Variants in SPATA17 observed in about 807,000 individuals in gnomAD.
SPATA17 encodes spermatogenesis-associated protein 17.
Under a neutral mutation model 62.2 loss-of-function variants are expected in SPATA17, and 53 were observed. That is an observed-to-expected ratio of 0.85 (90% CI 0.68 to 1.07). The LOEUF (loss-of-function observed/expected upper bound fraction) is 1.07. Among genes scored for constraint, SPATA17 ranks in the 50% least tolerant of loss-of-function variants. The probability of loss-of-function intolerance (pLI) is 0.00; values close to 1 mark genes in which losing one functional copy is unlikely to be tolerated. For synonymous variants in SPATA17, 146 were observed against 146.8 expected (o/e 0.99, Z 0.04); for missense variants, 466 against 425.5 (o/e 1.10, Z -0.84).
chr1:217,770,978 A>ATTTTTTTTTT (rs374042087), intron 6 of SPATA17, among the ~76,000 whole-genome samples: 50 of 50,142 alleles, frequency 1.0e-3, no homozygotes, highest in East Asian at 2.5e-3. Context: ...AACTCATTGC[A>ATTTTTTTTTT]TTTTTTTTTT....
chr1:217,634,320 G>A lies in SPATA17; in HGVS notation c.68+2874G>A, dbSNP rs140494288. On this transcript the variant is annotated intron_variant, in intron 1 of 10. Transcript: ENST00000366933. Reference sequence around the variant, plus strand: ...TCTCCCTGAGCATTAGGGGATCAGAGTTTTTAAGTATGATTTGATGGGTTA... The same window carrying A: ...TCTCCCTGAGCATTAGGGGATCAGAATTTTTAAGTATGATTTGATGGGTTA... 4.6e-4 allele frequency among the ~76,000 whole-genome samples: 70 copies of A among 152,298 alleles called. No individual in the cohort carries two copies. In the East Asian group the frequency reaches 0.013, roughly 28 times the overall value.
At chr1:217,650,761 T>C (rs1426520569) in intron 2 of SPATA17, among the ~76,000 whole-genome samples, 1 of 152,206 alleles carries the variant, frequency 6.6e-6, no homozygotes, top group Non-Finnish European at 1.5e-5. Flanking sequence ...ATGATTTACA[T>C]CAATAGTGCC....
At chr1:217,831,387 C>T (rs1675135703) in intron 9 of SPATA17, among the ~76,000 whole-genome samples, 1 of 152,114 alleles carries the variant, frequency 6.6e-6, no homozygotes, top group South Asian at 2.1e-4. Flanking sequence ...TAGAACTCTT[C>T]ATCTCCTCCC....
intron 3 of SPATA17, among the ~76,000 whole-genome samples, chr1:217,652,339 C>G (rs939544032): frequency 1.3e-5 from 2 of 152,188 alleles, no homozygotes; most frequent in African/African-American, 4.8e-5. Flanking sequence ...TCAAGCGATT[C>G]TCCTGCCTTA....
chr1:217,808,945 T>G (rs1486965011), intron 9 of SPATA17, among the ~76,000 whole-genome samples: 1 of 151,980 alleles, frequency 6.6e-6, no homozygotes, highest in Non-Finnish European at 1.5e-5. Flanking sequence ...TTTATATGCC[T>G]GCAACATAAA....
At chr1:217,729,136 C>G (rs765882057) in intron 5 of SPATA17, among the ~76,000 whole-genome samples, 25 of 152,148 alleles carry the variant, frequency 1.6e-4, no homozygotes, top group Non-Finnish European at 3.4e-4. Flanking sequence ...GGCCTATTGC[C>G]TACATGAATT....
chr1:217,755,963 C>T (rs1379759735), intron 6 of SPATA17, among the ~76,000 whole-genome samples: 1 of 151,934 alleles, frequency 6.6e-6, no homozygotes, highest in Non-Finnish European at 1.5e-5. Flanking sequence ...ATTCCCTTTT[C>T]CCCCTTCTAT....
At chr1:217,808,835 C>G (rs918031138) in intron 9 of SPATA17, among the ~76,000 whole-genome samples, 2 of 145,774 alleles carry the variant, frequency 1.4e-5, no homozygotes, top group East Asian at 2.0e-4. Context: ...AGTCTGGTGA[C>G]AGAGCGAGAC....
intron 3 of SPATA17, among the ~76,000 whole-genome samples, chr1:217,661,420 C>T (rs980261057): frequency 6.6e-6 from 1 of 151,986 alleles, no homozygotes; most frequent in Non-Finnish European, 1.5e-5. Context: ...TTCTCCTATA[C>T]CCAAATATTT....
chr1:217,783,103 A>T (rs1673770856), intron 8 of SPATA17, among the ~76,000 whole-genome samples: 1 of 150,770 alleles, frequency 6.6e-6, no homozygotes, highest in Admixed American at 6.6e-5. Context: ...GGTATACTAT[A>T]AATTATACAA....
At chr1:217,746,517 A>T (rs1468649673) in intron 6 of SPATA17, among the ~76,000 whole-genome samples, 5 of 151,356 alleles carry the variant, frequency 3.3e-5, no homozygotes, top group Non-Finnish European at 7.4e-5. Context: ...GTAAGCCAAA[A>T]TTGTATTTGT....
intron 6 of SPATA17, among the ~76,000 whole-genome samples, chr1:217,766,920 C>T (rs1673315720): frequency 6.6e-6 from 1 of 151,864 alleles, no homozygotes; most frequent in Admixed American, 6.6e-5. Flanking sequence ...TCAAATAGGC[C>T]CCACTGTCTA....
intron 5 of SPATA17, among the ~76,000 whole-genome samples, chr1:217,718,855 A>C (rs545511654): frequency 3.6e-4 from 55 of 152,308 alleles, no homozygotes; most frequent in Admixed American, 1.7e-3. Context: ...ACAAACAAAC[A>C]AACAAACAAA....
chr1:217,655,741 A>G (rs990145470), intron 3 of SPATA17, among the ~76,000 whole-genome samples: 3 of 152,152 alleles, frequency 2.0e-5, no homozygotes, highest in Non-Finnish European at 4.4e-5. Context: ...GTTATGGTCA[A>G]CTATTCTCAC....
intron 5 of SPATA17, among the ~76,000 whole-genome samples, chr1:217,710,596 A>G (rs1004543539): frequency 6.6e-6 from 1 of 152,058 alleles, no homozygotes; most frequent in African/African-American, 2.4e-5. Flanking sequence ...ATTTTTATGG[A>G]TATTATTTTC....
chr1:217,817,366 A>C (rs11583206), intron 9 of SPATA17, among the ~76,000 whole-genome samples: 17,904 of 151,966 alleles, frequency 0.12, 1,148 homozygotes, highest in Non-Finnish European at 0.14. Context: ...ATAAGATCTG[A>C]CAGTTTTATA....
At chr1:217,737,955 G>A (rs1672548293) in intron 5 of SPATA17, 1 of 152,360 alleles carries the variant, frequency 6.6e-6, no homozygotes, top group Admixed American at 6.6e-5. Context: ...CTCCTGAGTA[G>A]CTGGGATTAC....
At chr1:217,720,077 T>A (rs1672088868) in intron 5 of SPATA17, among the ~76,000 whole-genome samples, 1 of 152,114 alleles carries the variant, frequency 6.6e-6, no homozygotes, top group Non-Finnish European at 1.5e-5. Flanking sequence ...AAGCAGACAA[T>A]TGGAACCGGA....
At chr1:217,693,132 TG>T (rs1410114151) in intron 5 of SPATA17, among the ~76,000 whole-genome samples, 1 of 150,420 alleles carries the variant, frequency 6.6e-6, no homozygotes, top group Non-Finnish European at 1.5e-5. Flanking sequence ...GGACTCTTTT[TG>T]GTTGGTAAAC....
Sources: allele counts gnomAD v4.1 joint callset (sites outside exome capture counted in the v4.1 genomes callset), GRCh38; gene constraint gnomAD v4.1.1; transcripts MANE v1.5; gene names NCBI Gene and HGNC (gene_info 2026-07-23, HGNC 2026-07-21).